The following AK5 variants were observed in gnomAD, a reference collection of about 807,000 sequenced individuals.
The protein encoded by AK5 is adenylate kinase 5, also known as adenylate kinase isoenzyme 5.
Under a neutral mutation model 69.5 loss-of-function variants are expected in AK5, and 27 were observed. The ratio of observed to expected loss-of-function variants is 0.39; its 90% CI spans 0.29 to 0.54. The LOEUF (loss-of-function observed/expected upper bound fraction) is 0.54. Among genes scored for constraint, AK5 ranks in the 20% least tolerant of loss-of-function variants. The pLI is 0.71. For missense variants in AK5, 531 were observed against 700.4 expected, an observed-to-expected ratio of 0.76 and a Z score of 2.73; for synonymous variants, 260 against 244.4, an observed-to-expected ratio of 1.06 and a Z score of -0.60.
chr1:77,551,224 A>AACAC lies in AK5; in HGVS notation c.1621-7357_1621-7354dup, dbSNP rs3077617. 3.6e-3 allele frequency among the ~76,000 whole-genome samples: 542 copies of AACAC among 149,978 alleles called. 3 individuals carry two copies. Among genetic ancestry groups the AACAC allele is most frequent in the African/African-American group, 0.012 (490 of 40,896 alleles). On this transcript the variant is annotated intron_variant, in intron 13 of 13. Coordinates refer to ENST00000354567, the MANE Select transcript of AK5 (RefSeq NM_174858.3). ...GCATTCAGAAATCCAGGCCTTTCCCAACACACACACACACACACACACACC... is the reference window on the plus strand; with the variant it reads ...GCATTCAGAAATCCAGGCCTTTCCCAACACACACACACACACACACACACACACC...
chr1:77,532,819 C>G (rs543911286), intron 12 of AK5, among the ~76,000 whole-genome samples: 290 of 152,244 alleles, frequency 1.9e-3, no homozygotes, highest in Middle Eastern at 0.01. Flanking sequence ...GGGGGCAGGC[C>G]AATGTCCCCA....
At chr1:77,309,597 A>G (rs1340022328) in intron 5 of AK5, among the ~76,000 whole-genome samples, 2 of 152,152 alleles carry the variant, frequency 1.3e-5, no homozygotes, top group Non-Finnish European at 2.9e-5. Flanking sequence ...TTATTAGTGA[A>G]CTTTCATGTT....
At chr1:77,535,807 T>G in intron 12 of AK5, 40 bp from the exon 13 acceptor site, 4 of 1,558,964 alleles carry the variant, frequency 2.6e-6, no homozygotes, top group Non-Finnish European at 3.5e-6. Context: ...ATCAGCAGGG[T>G]GAGGTTTCTG....
intron 11 of AK5, among the ~76,000 whole-genome samples, chr1:77,519,853 G>A (rs1328748781): frequency 1.3e-5 from 2 of 152,176 alleles, no homozygotes; most frequent in African/African-American, 4.8e-5. Flanking sequence ...TGCTTTATCA[G>A]CAAGGTCTTT....
intron 6 of AK5, among the ~76,000 whole-genome samples, chr1:77,373,524 G>A (rs1316353703): frequency 6.6e-6 from 1 of 151,990 alleles, no homozygotes; most frequent in Non-Finnish European, 1.5e-5. Context: ...GTCAGGAGTC[G>A]AGACCAGCCT....
At chr1:77,489,290 C>T (rs2100733718) in intron 10 of AK5, among the ~76,000 whole-genome samples, 1 of 152,300 alleles carries the variant, frequency 6.6e-6, no homozygotes. Flanking sequence ...CAAAACTCTC[C>T]TGTATTTCAA....
chr1:77,336,358 G>T (rs12731521), intron 5 of AK5, among the ~76,000 whole-genome samples: 5,586 of 152,170 alleles, frequency 0.037, 201 homozygotes, highest in Admixed American at 0.097. Context: ...AGGATTACAG[G>T]CATGAGCCAC....
rs75229541 is a variant in AK5, at chr1:77,406,264, A to G, written c.892-4717A>G. Among the ~76,000 whole-genome samples the G allele has an allele frequency of 4.7e-4, 72 of 152,092 alleles. No homozygotes were observed. In the East Asian group the frequency reaches 0.012, roughly 26 times the overall value. On this transcript the variant is annotated intron_variant, in intron 6 of 13. Transcript: ENST00000354567. ...AAGCAATGAAGTGGTCCCTGGTAGA[A>G]GGGAAACAAATGCAGTGAGCCCTGT...
chr1:77,426,814 T>C (rs1651240667), intron 8 of AK5, among the ~76,000 whole-genome samples: 1 of 152,186 alleles, frequency 6.6e-6, no homozygotes, highest in African/African-American at 2.4e-5. Flanking sequence ...CAAATTAAAC[T>C]AGTATTCAAT....
rs542363795 is a variant in AK5 at position 77,362,312 on chromosome 1, C to T, written c.891+21744C>T. On this transcript the variant is annotated intron_variant, in intron 6 of 13. Transcript: ENST00000354567. ...TTGCATTCTTTTGATTTTTCTCTTA[C>T]GTGGTTTAAAAAGTGGGCTTTATTA... Among the ~76,000 whole-genome samples, 19 of 152,144 alleles carry T rather than the reference C, an allele frequency of 1.2e-4. No individual in the cohort carries two copies. The South Asian group carries it at 2.5e-3, about 20-fold the overall frequency.
chr1:77,552,907 G>C (rs1343767845), intron 13 of AK5, among the ~76,000 whole-genome samples: 1 of 152,166 alleles, frequency 6.6e-6, no homozygotes, highest in East Asian at 1.9e-4. Flanking sequence ...GGGCATGGGG[G>C]CACACGCCTG....
chr1:77,383,947 GA>G (rs66744904), intron 6 of AK5, among the ~76,000 whole-genome samples: 32,386 of 151,850 alleles, frequency 0.21, 3,649 homozygotes, highest in East Asian at 0.4. Context: ...TGAGCAAATA[GA>G]AAAAGGGTGG....
chr1:77,451,283 C>T (rs2803163), intron 8 of AK5, among the ~76,000 whole-genome samples: 150,362 of 152,350 alleles, frequency 0.99, 74,231 homozygotes, highest in Middle Eastern at 1. Context: ...CATTATGAAG[C>T]ATTTCCTTGA....
At chr1:77,511,910 T>G (rs1308140421) in intron 10 of AK5, among the ~76,000 whole-genome samples, 1 of 152,040 alleles carries the variant, frequency 6.6e-6, no homozygotes. Flanking sequence ...AGGAACAAGT[T>G]GAGAAGTGAG....
chr1:77,332,754 T>G (rs1661158071), intron 5 of AK5, among the ~76,000 whole-genome samples: 1 of 152,042 alleles, frequency 6.6e-6, no homozygotes, highest in South Asian at 2.1e-4. Flanking sequence ...TATGACAACT[T>G]CTCTGTGTGT....
At chr1:77,533,795 A>G (rs1377460515) in intron 12 of AK5, among the ~76,000 whole-genome samples, 1 of 152,150 alleles carries the variant, frequency 6.6e-6, no homozygotes, top group Admixed American at 6.5e-5. Flanking sequence ...TAACCCCACA[A>G]TTGGAAAAAT....
At chr1:77,531,028 A>T (rs1188751779) in intron 12 of AK5, among the ~76,000 whole-genome samples, 1 of 152,096 alleles carries the variant, frequency 6.6e-6, no homozygotes, top group African/African-American at 2.4e-5. Flanking sequence ...GTGTCCGGAA[A>T]TGGTGGGTTC....
intron 8 of AK5, among the ~76,000 whole-genome samples, chr1:77,444,459 A>T (rs1162965812): frequency 4.8e-5 from 1 of 20,952 alleles, no homozygotes; most frequent in Non-Finnish European, 7.4e-5. Flanking sequence ...GTATATACAT[A>T]GTATAAATAT....
chr1:77,467,656 G>A (rs1485393576), intron 8 of AK5, among the ~76,000 whole-genome samples: 1 of 151,866 alleles, frequency 6.6e-6, no homozygotes, highest in East Asian at 1.9e-4. Flanking sequence ...TTAATTCTTC[G>A]ATTTTAGTAC....
Sources: allele counts gnomAD v4.1 joint callset (sites outside exome capture counted in the v4.1 genomes callset), GRCh38; gene constraint gnomAD v4.1.1; transcripts MANE v1.5; gene names NCBI Gene and HGNC (gene_info 2026-07-23, HGNC 2026-07-21).